The following NOA1 variants were observed in gnomAD, a reference collection of about 807,000 sequenced individuals.
The protein encoded by NOA1 is nitric oxide-associated protein 1.
Under a neutral mutation model 58.4 loss-of-function variants are expected in NOA1, and 35 were observed. That is an observed-to-expected ratio of 0.60 (90% CI 0.46 to 0.79). The LOEUF is 0.79. Ranked by LOEUF, NOA1 falls within the 30% of genes least tolerant of loss-of-function variation. NOA1 has a pLI of 0.00. For synonymous variants in NOA1, 397 were observed against 373.4 expected (o/e 1.06, Z -0.73); for missense variants, 895 against 894.6 (o/e 1.00, Z -0.01).
rs771504430 is a variant in NOA1 at position 56,963,466 on chromosome 4, CCTTT to C, written c.2077_2080del (p.Lys693GlufsTer3). The C allele has an allele frequency of 2.2e-5, 36 of 1,613,888 alleles. No individual in the cohort carries two copies. The highest frequency in any genetic ancestry group is 2.8e-5 in the Non-Finnish European group (33 of 1,179,950). On this transcript the variant is annotated frameshift_variant, in exon 7 of 7. Coordinates refer to ENST00000264230, the MANE Select transcript of NOA1 (RefSeq NM_032313.4). LOFTEE classifies it high-confidence loss of function. ...AGGTCGGTCTCATACATTTATCTTTCCTTTCTTCTTCCTCACGTTGTACATAAGG... is the reference window on the plus strand; with the variant it reads ...AGGTCGGTCTCATACATTTATCTTTCCTTCTTCCTCACGTTGTACATAAGG...
At chr4:56,974,730 T>C (rs972506788) in intron 1 of NOA1, among the ~76,000 whole-genome samples, 1 of 152,064 alleles carries the variant, frequency 6.6e-6, no homozygotes, top group Non-Finnish European at 1.5e-5. Context: ...TTCTTGTTTT[T>C]GAGACAGCGT....
Position 56,975,606 on chromosome 4 carries a change from G to A in NOA1, c.1144+836C>T, listed in dbSNP as rs193164588. ...AAAATACAAAAATTAGGCCAAGCGC[G>A]GTGGCTCACACCTGTAATCCCAGCA... On this transcript the variant is annotated intron_variant, in intron 1 of 6. Coordinates refer to ENST00000264230, the MANE Select transcript of NOA1 (RefSeq NM_032313.4). 3.2e-3 allele frequency among the ~76,000 whole-genome samples: 489 copies of A among 150,758 alleles called. 2 individuals carry two copies. The highest frequency in any genetic ancestry group is 0.011 in the African/African-American group (458 of 41,038).
intron 5 of NOA1, among the ~76,000 whole-genome samples, chr4:56,966,291 C>G (rs1174254196): frequency 6.6e-6 from 1 of 152,154 alleles, no homozygotes; most frequent in African/African-American, 2.4e-5. Context: ...TCCCAAAGTG[C>G]TGGGATTATA....
intron 5 of NOA1, among the ~76,000 whole-genome samples, 155 bp from the exon 6 acceptor site, chr4:56,964,681 G>A (rs1267256843): frequency 6.6e-6 from 1 of 152,154 alleles, no homozygotes; most frequent in South Asian, 2.1e-4. Flanking sequence ...CACTTCTGGG[G>A]TCAAATGAAA....
intron 1 of NOA1, among the ~76,000 whole-genome samples, chr4:56,975,803 G>A (rs1721908329): frequency 1.3e-5 from 2 of 152,220 alleles, no homozygotes. Flanking sequence ...TGGAACCCGG[G>A]AGGCGGAGGT....
intron 2 of NOA1, 134 bp downstream of exon 2, chr4:56,973,724 C>T (rs1196045114): frequency 2.4e-6 from 2 of 837,612 alleles, no homozygotes; most frequent in African/African-American, 1.7e-5. Context: ...CGCTAAAGGG[C>T]CTCTTTGTTG....
chr4:56,976,875 C>T lies in NOA1; in HGVS notation c.711G>A (p.Leu237=). ...GCACGATCAGCTGCTTGGGGCCCAC[C>T]AGCGCGGGCAAGTCGGGCAGCAGGG... ...PDALLPDLPA[L]VGPKQLIVLG... Residue 237 remains leucine, a synonymous_variant, in exon 1 of 7, where the codon CTG becomes CTA. Coordinates refer to ENST00000264230, the MANE Select transcript of NOA1 (RefSeq NM_032313.4). The T allele has an allele frequency of 6.2e-7, 1 of 1,613,112 alleles. No homozygotes were observed. Among genetic ancestry groups the T allele is most frequent in the Non-Finnish European group, 8.5e-7 (1 of 1,179,846 alleles).
rs781282581 is a variant in NOA1 at position 56,963,584 on chromosome 4, C to T, written c.1963G>A (p.Val655Ile). 2.0e-5 allele frequency: 33 copies of T among 1,613,890 alleles called. No individual in the cohort carries two copies. The East Asian group carries it at 2.7e-4, about 13-fold the overall frequency. Residue 655 changes from valine to isoleucine, a missense_variant, in exon 7 of 7, where the codon GTC (valine) becomes ATC (isoleucine). Physicochemically the swap from Val to Ile is conservative, Grantham distance 29 (BLOSUM62 3). Coordinates refer to ENST00000264230, the MANE Select transcript of NOA1 (RefSeq NM_032313.4). The part of the protein sequence containing the change: ...GYTPEGTVLT[V>I]RPPLLPYIVN... Reference sequence around the variant, plus strand: ...ATATATGGCAAGAGAGGGGGCCGGACGGTCAAAACTGTTCCTTCAGGTGTA... The same window carrying T: ...ATATATGGCAAGAGAGGGGGCCGGATGGTCAAAACTGTTCCTTCAGGTGTA...
At position 56,976,790 on chromosome 4, in the gene NOA1, C is replaced by T. The variant is rs763239193; in HGVS notation, c.796G>A (p.Glu266Lys). ...CGGGCACAGTCCTCCCACAGTCGCT[C>T]CCGCAGCCTCTGCCGGTAGCCAGGA... ...DAPGYRQRLRERLWEDCARAG... is the reference protein window; with the variant it reads ...DAPGYRQRLRKRLWEDCARAG... The change falls in exon 1 of 7, where the codon GAG becomes AAG. Residue 266 changes from glutamate (E) to lysine (K), a missense_variant. Glu to Lys is a moderately conservative substitution (Grantham distance 56, BLOSUM62 1). Coordinates refer to ENST00000264230, the MANE Select transcript of NOA1 (RefSeq NM_032313.4). 1 of 1,610,376 alleles carries T rather than the reference C, an allele frequency of 6.2e-7. No individual in the cohort carries two copies. Among genetic ancestry groups the T allele is most frequent in the Non-Finnish European group, 8.5e-7 (1 of 1,177,964 alleles).
chr4:56,964,750 T>C (rs1056965854), intron 5 of NOA1, among the ~76,000 whole-genome samples: 1 of 152,166 alleles, frequency 6.6e-6, no homozygotes, highest in South Asian at 2.1e-4. Context: ...GGGCCACACA[T>C]TGGGCAAGCA....
Position 56,976,535 on chromosome 4 carries a change from T to G in NOA1, c.1051A>C (p.Lys351Gln). Residue 351 changes from lysine (K) to glutamine (Q), a missense_variant, in exon 1 of 7, where the codon AAA becomes CAA. By Grantham distance (53) the Lys-to-Gln change is moderately conservative. Coordinates refer to ENST00000264230, the MANE Select transcript of NOA1 (RefSeq NM_032313.4). ...AGGAGCGTGTTAAAGAGAGTGGATTTGCCGGCGTTGGTGGCGCCCACTAAG... is the reference window on the plus strand; with the variant it reads ...AGGAGCGTGTTAAAGAGAGTGGATTGGCCGGCGTTGGTGGCGCCCACTAAG... ...VYLVGATNAG[K>Q]STLFNTLLES... 2 of 1,614,226 alleles carry G rather than the reference T, an allele frequency of 1.2e-6. No individual in the cohort carries two copies. The highest frequency in any genetic ancestry group is 1.3e-5 in the African/African-American group (1 of 75,066).
intron 4 of NOA1, among the ~76,000 whole-genome samples, chr4:56,967,171 CAA>C (rs1721726540): frequency 6.6e-6 from 1 of 151,778 alleles, no homozygotes; most frequent in Non-Finnish European, 1.5e-5. Flanking sequence ...CCCTTGAGCT[CAA>C]GTTTGAGACC....
Position 56,977,160 on chromosome 4 carries a change from C to T in NOA1, c.426G>A (p.Ser142=), listed in dbSNP as rs768300563. The change falls in exon 1 of 7, where the codon TCG becomes TCA. Residue 142 remains serine (S), a synonymous_variant. Transcript: ENST00000264230. ...GGCAGTGCAGCTCTGCCCCACAGCCCGAGCAGTTCACGCCGCTGGGCGGCA... is the reference window on the plus strand; with the variant it reads ...GGCAGTGCAGCTCTGCCCCACAGCCTGAGCAGTTCACGCCGCTGGGCGGCA... ...PALPPSGVNC[S]GCGAELHCQD... 6.4e-7 allele frequency: 1 copy of T among 1,557,396 alleles called. No individual in the cohort carries two copies. The highest frequency in any genetic ancestry group is 8.7e-7 in the Non-Finnish European group (1 of 1,155,444).
At chr4:56,974,065 GGGGGAAGA>G in intron 1 of NOA1, 43 bp from the exon 2 acceptor site, 1 of 1,263,518 alleles carries the variant, frequency 7.9e-7, no homozygotes, top group Non-Finnish European at 1.1e-6. Flanking sequence ...AAGGGAATAA[GGGGGAAGA>G]AAATGAACAT....
At chr4:56,971,292 G>A (rs1377409784) in intron 3 of NOA1, among the ~76,000 whole-genome samples, 2 of 139,686 alleles carry the variant, frequency 1.4e-5, no homozygotes, top group Admixed American at 7.5e-5. Context: ...CTCCAGCCTG[G>A]GCAAGAGAGT....
At chr4:56,975,596 G>A (rs1721892074) in intron 1 of NOA1, among the ~76,000 whole-genome samples, 1 of 151,850 alleles carries the variant, frequency 6.6e-6, no homozygotes, top group Non-Finnish European at 1.5e-5. Flanking sequence ...ACAAAAATTA[G>A]GCCAAGCGCG....
chr4:56,963,985 A>G (rs1285767288), intron 6 of NOA1, among the ~76,000 whole-genome samples: 1 of 152,042 alleles, frequency 6.6e-6, no homozygotes, highest in Non-Finnish European at 1.5e-5. Flanking sequence ...ATAAACTAGT[A>G]TGTACACCTT....
chr4:56,976,866 G>C lies in NOA1; in HGVS notation c.720C>G (p.Pro240=). 5 of 1,613,186 alleles carry C rather than the reference G, an allele frequency of 3.1e-6. No homozygotes were observed. Among genetic ancestry groups the C allele is most frequent in the Non-Finnish European group, 4.2e-6 (5 of 1,179,852 alleles). The change falls in exon 1 of 7, where the codon CCC becomes CCG. Residue 240 remains proline (P), a synonymous_variant. Transcript: ENST00000264230. Reference sequence around the variant, plus strand: ...TGTTTCCCAGCACGATCAGCTGCTTGGGGCCCACCAGCGCGGGCAAGTCGG... The same window carrying C: ...TGTTTCCCAGCACGATCAGCTGCTTCGGGCCCACCAGCGCGGGCAAGTCGG... ...LLPDLPALVG[P]KQLIVLGNKV...
chr4:56,966,740 A>G lies in NOA1; in HGVS notation c.1648-4T>C. The G allele has an allele frequency of 6.3e-7, 1 of 1,584,766 alleles. No individual in the cohort carries two copies. The highest frequency in any genetic ancestry group is 8.7e-7 in the Non-Finnish European group (1 of 1,153,748). On this transcript the variant is annotated splice_polypyrimidine_tract_variant and splice_region_variant and intron_variant, in intron 4 of 6. Coordinates refer to ENST00000264230, the MANE Select transcript of NOA1 (RefSeq NM_032313.4). Reference sequence around the variant, plus strand: ...TAAACCAAGCTGACTGATTTCCCTTAAGAAAGGAAGAAGTTATCTGACCTG... The same window carrying G: ...TAAACCAAGCTGACTGATTTCCCTTGAGAAAGGAAGAAGTTATCTGACCTG...
Sources: gnomAD v4.1 joint callset for allele counts (sites outside exome capture counted in the v4.1 genomes callset) on GRCh38, gnomAD v4.1.1 for gene constraint, MANE v1.5 for transcripts, NCBI Gene and HGNC (gene_info 2026-07-23, HGNC 2026-07-21) for gene names.